The following BICD1 variants were observed in gnomAD, a reference collection of about 807,000 sequenced individuals.
BICD1 encodes the protein BICD cargo adaptor 1, also known as protein bicaudal D homolog 1.
A neutral mutation model predicts 92.5 loss-of-function variants in BICD1; 35 were observed. That is an observed-to-expected ratio of 0.38 (90% CI 0.29 to 0.50). The LOEUF (loss-of-function observed/expected upper bound fraction) is 0.50. Among genes scored for constraint, BICD1 ranks in the 20% least tolerant of loss-of-function variants. The pLI is 0.93. For synonymous variants in BICD1, 429 were observed against 465.1 expected (o/e 0.92, Z 1.00); for missense variants, 950 against 1,189.8 (o/e 0.80, Z 2.97).
chr12:32,142,496 A>ATCTATCTATCTATCTATTGG (rs1555134359), intron 1 of BICD1, among the ~76,000 whole-genome samples: 31 of 73,364 alleles, frequency 4.2e-4, no homozygotes, highest in Middle Eastern at 6.1e-3. Context: ...CTATTGGTCT[A>ATCTATCTATCTATCTATTGG]TCTATCTAGA....
intron 1 of BICD1, 51 bp downstream of exon 1, chr12:32,107,595 C>T (rs1941532705): frequency 6.6e-7 from 1 of 1,514,642 alleles, no homozygotes; most frequent in Non-Finnish European, 8.9e-7. Flanking sequence ...CCCCCACCCG[C>T]AAGGCCCACT....
intron 2 of BICD1, among the ~76,000 whole-genome samples, chr12:32,280,353 T>C (rs1201201192): frequency 2.6e-5 from 4 of 152,240 alleles, no homozygotes; most frequent in African/African-American, 4.8e-5. Context: ...AGTAAACTTA[T>C]ATATCTTTTA....
chr12:32,342,128 ATATATATATGTGTG>A lies in BICD1; in HGVS notation c.2764+3175_2764+3188del, dbSNP rs1555170775. On this transcript the variant is annotated intron_variant, in intron 8 of 9. Coordinates refer to ENST00000652176, the MANE Select transcript of BICD1 (RefSeq NM_001714.4). ...TAAGCATTGTTTTACATATATATGT[ATATATATATGTGTG>A]TATATATATGTGTGTATATATATGT... Among the ~76,000 whole-genome samples the A allele has an allele frequency of 7.8e-4, 80 of 102,748 alleles. No individual in the cohort carries two copies. The Middle Eastern group carries it at 0.014, about 18-fold the overall frequency. 67.4% of individuals were successfully genotyped at this position (102,748 alleles called of 152,430 possible). A position where few individuals can be genotyped will look rare whatever the true frequency, so the allele number is the denominator to read the frequency against.
intron 3 of BICD1, among the ~76,000 whole-genome samples, chr12:32,294,658 A>G (rs1472301843): frequency 4.7e-5 from 7 of 149,656 alleles, no homozygotes; most frequent in Non-Finnish European, 8.9e-5. Context: ...CTGGGTCTGT[A>G]AGCTTGTCTA....
intron 2 of BICD1, among the ~76,000 whole-genome samples, chr12:32,234,610 G>A (rs111761898): frequency 0.075 from 9,904 of 131,494 alleles, 619 homozygotes; most frequent in East Asian, 0.17. Context: ...AAAAAAAAAA[G>A]AAAGAAAGAA....
intron 8 of BICD1, among the ~76,000 whole-genome samples, chr12:32,349,024 A>G (rs1938756220): frequency 6.6e-6 from 1 of 151,998 alleles, no homozygotes. Context: ...CACCAAATCC[A>G]CAGTTTCTTT....
At chr12:32,373,935 T>G (rs1939833255) in intron 9 of BICD1, among the ~76,000 whole-genome samples, 1 of 150,552 alleles carries the variant, frequency 6.6e-6, no homozygotes, top group South Asian at 2.1e-4. Context: ...CTTTCTTGGG[T>G]GGACACAGTG....
chr12:32,295,916 G>A (rs1036304110), intron 3 of BICD1, among the ~76,000 whole-genome samples: 1 of 152,064 alleles, frequency 6.6e-6, no homozygotes, highest in Non-Finnish European at 1.5e-5. Flanking sequence ...GCCTCCCAAA[G>A]TGCTGGGATT....
chr12:32,221,644 G>GTAC (rs1945535719), intron 2 of BICD1, among the ~76,000 whole-genome samples: 1 of 151,756 alleles, frequency 6.6e-6, no homozygotes, highest in African/African-American at 2.4e-5. Flanking sequence ...TTGCGCCACT[G>GTAC]TACTCCAGCC....
At chr12:32,333,301 T>C (rs1937960564) in intron 5 of BICD1, 2 of 966,934 alleles carry the variant, frequency 2.1e-6, no homozygotes, top group Non-Finnish European at 2.5e-6. Flanking sequence ...CCTCCAAGTA[T>C]TTACAGAACA....
Position 32,328,615 on chromosome 12 carries a change from C to T in BICD1, c.2100+60C>T. On this transcript the variant is annotated intron_variant, in intron 5 of 9. Coordinates refer to ENST00000652176, the MANE Select transcript of BICD1 (RefSeq NM_001714.4). This position sits in a 1 kb window ranked among gnomAD's most constrained non-coding sequence, Gnocchi z 4.4. The stretch of plus-strand genomic sequence containing the variant: ...AAAGCTTTCTTAACTAATTTATTCC[C>T]TAATTTTATTGAGTATCGAGTATCG... The T allele has an allele frequency of 1.3e-6, 2 of 1,544,788 alleles. No individual in the cohort carries two copies. Among genetic ancestry groups the T allele is most frequent in the Non-Finnish European group, 1.7e-6 (2 of 1,146,482 alleles).
intron 2 of BICD1, among the ~76,000 whole-genome samples, chr12:32,252,559 A>G (rs953953421): frequency 1.3e-5 from 2 of 152,130 alleles, no homozygotes; most frequent in African/African-American, 4.8e-5. Flanking sequence ...TAGTTCAGTC[A>G]ATTATCAGGC....
intron 2 of BICD1, among the ~76,000 whole-genome samples, chr12:32,241,317 C>A (rs560943702): frequency 6.6e-6 from 1 of 152,288 alleles, no homozygotes; most frequent in African/African-American, 2.4e-5. Flanking sequence ...GCATGCCTAC[C>A]TTTATTAGAC....
rs1251557226 is a variant in BICD1, at chr12:32,301,699, T to C, written c.580-3998T>C. Reference sequence around the variant, plus strand: ...CTGAGGTGGGAGGATTGATTGAGACTGGGAGATCAAGGCTGTAGTGAGCTG... The same window carrying C: ...CTGAGGTGGGAGGATTGATTGAGACCGGGAGATCAAGGCTGTAGTGAGCTG... On this transcript the variant is annotated intron_variant, in intron 3 of 9. Coordinates refer to ENST00000652176, the MANE Select transcript of BICD1 (RefSeq NM_001714.4). Among the ~76,000 whole-genome samples the C allele has an allele frequency of 2.0e-5, 3 of 151,644 alleles. No homozygotes were observed. In the East Asian group the frequency reaches 5.9e-4, roughly 30 times the overall value.
Position 32,107,080 on chromosome 12 carries a change from C to T in BICD1, c.-252C>T, listed in dbSNP as rs1430268097. 6.0e-6 allele frequency: 3 copies of T among 499,322 alleles called. No individual in the cohort carries two copies. Among genetic ancestry groups the T allele is most frequent in the Non-Finnish European group, 1.1e-5 (3 of 277,206 alleles). 30.9% of individuals were successfully genotyped at this position (499,322 alleles called of 1,614,324 possible). A position where few individuals can be genotyped will look rare whatever the true frequency, so the allele number is the denominator to read the frequency against. The stretch of plus-strand genomic sequence containing the variant: ...CACGCAGGGGCCGGCCCCGAGGACA[C>T]ATGCGGCGGCCTTTGCCGCCTCGCC... On this transcript the variant is annotated 5_prime_UTR_variant, in exon 1 of 10. Transcript: ENST00000652176.
intron 4 of BICD1, among the ~76,000 whole-genome samples, chr12:32,308,130 A>C (rs1948278359): frequency 6.6e-6 from 1 of 152,242 alleles, no homozygotes; most frequent in South Asian, 2.1e-4. Flanking sequence ...GTTCAATTAA[A>C]AGAATGGTGG....
At chr12:32,352,464 G>A (rs1177815390) in intron 8 of BICD1, 2 of 147,154 alleles carry the variant, frequency 1.4e-5, no homozygotes, top group Non-Finnish European at 3.0e-5. Context: ...CTGGCCTGGC[G>A]ACAGAGTAAG....
chr12:32,335,185 C>G (rs1025035619), intron 6 of BICD1, among the ~76,000 whole-genome samples: 6 of 150,800 alleles, frequency 4.0e-5, no homozygotes, highest in African/African-American at 1.5e-4. Flanking sequence ...GAGTCTTACT[C>G]TGTTGCCCAG....
chr12:32,326,080 CA>C lies in BICD1; in HGVS notation c.1006-1360del, dbSNP rs372956491. On this transcript the variant is annotated intron_variant, in intron 4 of 9. Coordinates refer to ENST00000652176, the MANE Select transcript of BICD1 (RefSeq NM_001714.4). The stretch of plus-strand genomic sequence containing the variant: ...CCTGGGAGAGAGTGAGACTCCATCT[CA>C]AAAAAAAAAAAAAAAAAAAAGAAAG... Among the ~76,000 whole-genome samples, 118 of 66,450 alleles carry C rather than the reference CA, an allele frequency of 1.8e-3. No homozygotes were observed. In the East Asian group the frequency reaches 0.031, roughly 18 times the overall value. The allele number at this position is 66,450 out of a possible 152,430, so 43.6% of individuals were successfully genotyped here.
Sources: gnomAD v4.1 joint callset for allele counts (sites outside exome capture counted in the v4.1 genomes callset) on GRCh38, gnomAD v4.1.1 for gene constraint, Gnocchi (gnomAD v3.1) non-coding constraint, MANE v1.5 for transcripts, NCBI Gene and HGNC (gene_info 2026-07-23, HGNC 2026-07-21) for gene names.